STAU2: variants seen among roughly 807,000 people sequenced by gnomAD.
STAU2 encodes the protein double-stranded RNA-binding protein Staufen homolog 2.
In STAU2, 20 loss-of-function variants were observed where a neutral mutation model predicts 65.9. The observed-to-expected ratio is 0.30, with a 90% confidence interval of 0.21 to 0.44. The LOEUF (loss-of-function observed/expected upper bound fraction) is 0.44. Ranked by LOEUF, STAU2 falls within the 20% of genes least tolerant of loss-of-function variation. STAU2 has a pLI of 1.00. For missense variants in STAU2, 558 were observed against 683.9 expected, an observed-to-expected ratio of 0.82 and a Z score of 2.05; for synonymous variants, 232 against 233.9, an observed-to-expected ratio of 0.99 and a Z score of 0.07.
chr8:73,474,507 T>C (rs1225080205), intron 13 of STAU2, among the ~76,000 whole-genome samples: 1 of 151,908 alleles, frequency 6.6e-6, no homozygotes, highest in East Asian at 1.9e-4. Context: ...CGCTGCTCTA[T>C]TAACAAACAA....
chr8:73,561,249 AAGCGC>A (rs1400667845), intron 12 of STAU2, among the ~76,000 whole-genome samples: 1 of 152,174 alleles, frequency 6.6e-6, no homozygotes, highest in East Asian at 1.9e-4. Flanking sequence ...AATTCCCCAG[AAGCGC>A]ATTCACCACT....
At chr8:73,718,297 C>T (rs973964295) in intron 3 of STAU2, among the ~76,000 whole-genome samples, 3 of 152,180 alleles carry the variant, frequency 2.0e-5, no homozygotes, top group Admixed American at 2.0e-4. Flanking sequence ...CATATATTCT[C>T]CGTAAGGCAT....
intron 6 of STAU2, among the ~76,000 whole-genome samples, chr8:73,636,076 A>G (rs1200692821): frequency 6.6e-6 from 1 of 152,080 alleles, no homozygotes; most frequent in Non-Finnish European, 1.5e-5. Context: ...TTTTTTGGCC[A>G]GGCATAGTGG....
chr8:73,692,224 A>T (rs1819374075), intron 4 of STAU2, among the ~76,000 whole-genome samples: 1 of 149,562 alleles, frequency 6.7e-6, no homozygotes, highest in Non-Finnish European at 1.5e-5. Context: ...CCGGAGATGG[A>T]GTCTTGCTCT....
Position 73,738,338 on chromosome 8 carries a change from C to T in STAU2, c.-72G>A, listed in dbSNP as rs375973716. ...ATTGACCAAACTGCTGTATCCCTCA[C>T]GGCTCCAAAAACTGGAAAACGAAAA... On this transcript the variant is annotated 5_prime_UTR_variant, in exon 3 of 15. The change creates a new upstream start codon in the 5' untranslated region. Coordinates refer to ENST00000524300, the MANE Select transcript of STAU2 (RefSeq NM_001164380.2). 23 of 1,580,172 alleles carry T rather than the reference C, an allele frequency of 1.5e-5. No individual in the cohort carries two copies. Among genetic ancestry groups the T allele is most frequent in the Non-Finnish European group, 1.7e-5 (20 of 1,169,662 alleles).
upstream of STAU2, chr8:73,747,221 G>A (rs980646564): frequency 3.9e-6 from 3 of 770,186 alleles, no homozygotes; most frequent in Non-Finnish European, 3.9e-6. Flanking sequence ...GAGCGCGCCC[G>A]GTCCGCAGTC....
chr8:73,705,291 C>A (rs1323705087), intron 4 of STAU2, among the ~76,000 whole-genome samples: 1 of 152,054 alleles, frequency 6.6e-6, no homozygotes, highest in Non-Finnish European at 1.5e-5. Context: ...CAATGAAGGG[C>A]AAAGATCAAG....
At chr8:73,673,010 AT>A in intron 6 of STAU2, 96 bp downstream of exon 6, 1 of 1,189,458 alleles carries the variant, frequency 8.4e-7, no homozygotes, top group Admixed American at 2.8e-5. Flanking sequence ...CCCAAGGTCA[AT>A]TAGATTTACA....
chr8:73,567,264 T>G (rs996171751), intron 12 of STAU2, among the ~76,000 whole-genome samples: 1 of 152,114 alleles, frequency 6.6e-6, no homozygotes, highest in Non-Finnish European at 1.5e-5. Context: ...TCCCAGCACC[T>G]TGGGAGGCCG....
At chr8:73,673,490 T>C (rs541844169) in intron 5 of STAU2, among the ~76,000 whole-genome samples, 2 of 152,268 alleles carry the variant, frequency 1.3e-5, no homozygotes, top group East Asian at 3.9e-4. Flanking sequence ...ATCATTACTA[T>C]CAAAACATAG....
chr8:73,704,396 T>C (rs551626123), intron 4 of STAU2, among the ~76,000 whole-genome samples: 4 of 152,032 alleles, frequency 2.6e-5, no homozygotes, highest in Admixed American at 1.3e-4. Context: ...TAAAAAGACA[T>C]CTCTAAGTCT....
intron 13 of STAU2, among the ~76,000 whole-genome samples, chr8:73,495,811 A>G (rs2128917563): frequency 6.6e-6 from 1 of 151,466 alleles, no homozygotes; most frequent in East Asian, 1.9e-4. Flanking sequence ...GGAAGCAACA[A>G]TTGATTCATA....
intron 13 of STAU2, among the ~76,000 whole-genome samples, chr8:73,520,530 C>T (rs745729288): frequency 2.0e-5 from 3 of 152,190 alleles, no homozygotes; most frequent in Non-Finnish European, 4.4e-5. Flanking sequence ...ACAACTACTT[C>T]ACCCCAAGCA....
chr8:73,569,877 T>C (rs532512495), intron 12 of STAU2, among the ~76,000 whole-genome samples: 3 of 152,162 alleles, frequency 2.0e-5, no homozygotes, highest in Non-Finnish European at 4.4e-5. Context: ...GCAGGAAAGC[T>C]GAAAATTCTA....
At chr8:73,495,516 T>C (rs982712432) in intron 13 of STAU2, among the ~76,000 whole-genome samples, 1 of 151,280 alleles carries the variant, frequency 6.6e-6, no homozygotes, top group East Asian at 1.9e-4. Flanking sequence ...GTGCTTTATC[T>C]GCTAATATAC....
At chr8:73,655,525 T>C (rs1377136222) in intron 6 of STAU2, among the ~76,000 whole-genome samples, 1 of 151,980 alleles carries the variant, frequency 6.6e-6, no homozygotes, top group Non-Finnish European at 1.5e-5. Context: ...ATAGATATAT[T>C]AATTAAAATT....
chr8:73,442,286 G>A (rs1236562554), intron 13 of STAU2, among the ~76,000 whole-genome samples: 1 of 151,522 alleles, frequency 6.6e-6, no homozygotes, highest in Non-Finnish European at 1.5e-5. Flanking sequence ...CTTGGAAGGT[G>A]GAGCTTGCAG....
intron 3 of STAU2, among the ~76,000 whole-genome samples, chr8:73,723,131 C>T (rs1361403392): frequency 6.6e-6 from 1 of 152,074 alleles, no homozygotes; most frequent in African/African-American, 2.4e-5. Flanking sequence ...CACACATACA[C>T]ACACACACAC....
chr8:73,646,954 C>T (rs1015751749), intron 6 of STAU2, among the ~76,000 whole-genome samples: 2 of 151,442 alleles, frequency 1.3e-5, no homozygotes, highest in African/African-American at 4.9e-5. Context: ...CACACACACA[C>T]ACACACACAC....
Sources: allele counts gnomAD v4.1 joint callset (sites outside exome capture counted in the v4.1 genomes callset), GRCh38; gene constraint gnomAD v4.1.1; transcripts MANE v1.5; gene names NCBI Gene and HGNC (gene_info 2026-07-23, HGNC 2026-07-21).